FBN1: variants seen among roughly 807,000 people sequenced by gnomAD.
FBN1 encodes fibrillin 1, also known as fibrillin-1.
A neutral mutation model predicts 365.1 loss-of-function variants in FBN1; 29 were observed. The observed-to-expected ratio is 0.08, with a 90% CI of 0.06 to 0.11. The LOEUF (loss-of-function observed/expected upper bound fraction) is 0.11. FBN1 is among the 10% of genes least tolerant of loss of function. The pLI is 1.00. For synonymous variants in FBN1, 1,210 were observed against 1,270.5 expected (o/e 0.95, Z 1.01); for missense variants, 2,476 against 3,703.2 (o/e 0.67, Z 8.60).
intron 6 of FBN1, among the ~76,000 whole-genome samples, chr15:48,556,823 A>G (rs1408773902): frequency 6.6e-6 from 1 of 152,226 alleles, no homozygotes; most frequent in Non-Finnish European, 1.5e-5. Flanking sequence ...GTGAAATATT[A>G]TATGTGAAAT....
At position 48,415,561 on chromosome 15, in the gene FBN1, G is replaced by A. The variant is rs745650955; in HGVS notation, c.8026C>T (p.Pro2676Ser). The A allele has an allele frequency of 7.4e-6, 12 of 1,613,954 alleles. No homozygotes were observed. In the East Asian group the frequency reaches 2.0e-4, roughly 27 times the overall value. Residue 2676 changes from proline (P) to serine (S), a missense_variant, in exon 64 of 66, where the codon CCT (proline) becomes TCT (serine). Coordinates refer to ENST00000316623, the MANE Select transcript of FBN1 (RefSeq NM_000138.5). ...TEGGYLCGCP[P>S]GYFRIGQGHC... ...CCTTGGCCTATGCGGAAGTAACCAG[G>A]TGGACAGCCACACAGGTAACCGCCC...
chr15:48,566,215 G>A (rs552424467), intron 6 of FBN1, among the ~76,000 whole-genome samples: 1 of 152,254 alleles, frequency 6.6e-6, no homozygotes, highest in East Asian at 1.9e-4. Flanking sequence ...TTCCACCACA[G>A]ATTTACCACC....
In FBN1 at chr15:48,410,947, T is replaced by A. The variant is rs144710695; in HGVS notation, c.*43A>T. ...GGGGGAAAATATAGTTCTACCTATC[T>A]ATATTTGTTTTTCTTTTAATTATTT... On this transcript the variant is annotated 3_prime_UTR_variant, in exon 66 of 66. Transcript: ENST00000316623. 5.0e-4 allele frequency: 773 copies of A among 1,558,622 alleles called. No homozygotes were observed. The highest frequency in any genetic ancestry group is 1.1e-3 in the Middle Eastern group (5 of 4,410).
intron 8 of FBN1, among the ~76,000 whole-genome samples, chr15:48,531,701 G>C (rs2043974719): frequency 6.6e-6 from 1 of 152,152 alleles, no homozygotes; most frequent in Non-Finnish European, 1.5e-5. Flanking sequence ...CCGGAAAAGA[G>C]CAAGGACGTC....
chr15:48,434,499 C>A lies in FBN1; in HGVS notation c.6616+95G>T, dbSNP rs918529719. 2.7e-6 allele frequency: 4 copies of A among 1,499,934 alleles called. No homozygotes were observed. The African/African-American group carries it at 4.1e-5, about 15-fold the overall frequency. The allele number at this position is 1,499,934 out of a possible 1,614,324, so 92.9% of individuals were successfully genotyped here. A position where few individuals can be genotyped will look rare whatever the true frequency, so the allele number is the denominator to read the frequency against. On this transcript the variant is annotated intron_variant, in intron 54 of 65. Transcript: ENST00000316623. ...AGGCCTAGATGATCTTTATTATATA[C>A]ACCCTGAGTTGTATTTAATATTAAG...
At chr15:48,603,360 C>T (rs2140723260) in intron 4 of FBN1, among the ~76,000 whole-genome samples, 1 of 110,808 alleles carries the variant, frequency 9.0e-6, no homozygotes, top group African/African-American at 7.8e-5. Context: ...ACCGTGTTAA[C>T]CATGGGAAAC....
intron 7 of FBN1, among the ~76,000 whole-genome samples, chr15:48,537,357 C>T (rs931672781): frequency 1.3e-5 from 2 of 152,168 alleles, no homozygotes; most frequent in Non-Finnish European, 2.9e-5. Flanking sequence ...TCACACCACC[C>T]CTGGAGTCAG....
intron 4 of FBN1, among the ~76,000 whole-genome samples, chr15:48,609,545 G>C (rs2044641286): frequency 6.6e-6 from 1 of 152,186 alleles, no homozygotes. Flanking sequence ...GGTCCCACTG[G>C]GGAACTTCAG....
chr15:48,531,663 A>T (rs1448040311), intron 8 of FBN1, among the ~76,000 whole-genome samples: 1 of 152,140 alleles, frequency 6.6e-6, no homozygotes, highest in Non-Finnish European at 1.5e-5. Context: ...GCCCAGAGTT[A>T]TGCCATTTCC....
intron 4 of FBN1, among the ~76,000 whole-genome samples, chr15:48,602,379 G>C (rs945479761): frequency 6.6e-6 from 1 of 152,144 alleles, no homozygotes; most frequent in Non-Finnish European, 1.5e-5. Flanking sequence ...GGGAGTGGGA[G>C]AGCATTAATT....
At chr15:48,551,946 A>T (rs1395611051) in intron 6 of FBN1, among the ~76,000 whole-genome samples, 1 of 152,208 alleles carries the variant, frequency 6.6e-6, no homozygotes, top group African/African-American at 2.4e-5. Context: ...TGCTATTGTG[A>T]ATAGTGCTGC....
chr15:48,595,741 G>A (rs2044510595), intron 6 of FBN1, among the ~76,000 whole-genome samples: 1 of 152,116 alleles, frequency 6.6e-6, no homozygotes, highest in Non-Finnish European at 1.5e-5. Flanking sequence ...ACACACTCTA[G>A]CAGGCTGCGA....
chr15:48,546,545 G>A (rs1464293804), intron 6 of FBN1, among the ~76,000 whole-genome samples: 3 of 152,206 alleles, frequency 2.0e-5, no homozygotes. Flanking sequence ...TGAGTGCAAA[G>A]GGGAAGGGGC....
chr15:48,500,536 A>T (rs2141311174), intron 17 of FBN1, among the ~76,000 whole-genome samples: 1 of 152,320 alleles, frequency 6.6e-6, no homozygotes, highest in African/African-American at 2.4e-5. Flanking sequence ...ATGTTTAATG[A>T]TTGAACGTGT....
At chr15:48,634,617 T>C (rs562525676) in intron 2 of FBN1, among the ~76,000 whole-genome samples, 2 of 152,230 alleles carry the variant, frequency 1.3e-5, no homozygotes, top group Admixed American at 6.5e-5. Flanking sequence ...AACACCCCAA[T>C]GTTCCCAGGT....
At chr15:48,506,178 GTGCCAC>G (rs1429767549) in intron 15 of FBN1, among the ~76,000 whole-genome samples, 1 of 152,152 alleles carries the variant, frequency 6.6e-6, no homozygotes, top group Non-Finnish European at 1.5e-5. Context: ...AGCTGAGATT[GTGCCAC>G]TGCACTCCAT....
chr15:48,511,498 T>G (rs889285870), intron 13 of FBN1, among the ~76,000 whole-genome samples: 6 of 152,156 alleles, frequency 3.9e-5, no homozygotes, highest in African/African-American at 1.4e-4. Context: ...TTCATATTTT[T>G]CTCTCTTCCT....
intron 21 of FBN1, 59 bp downstream of exon 21, chr15:48,495,410 G>A: frequency 1.2e-6 from 2 of 1,600,710 alleles, no homozygotes; most frequent in Non-Finnish European, 1.7e-6. Flanking sequence ...AGGAAAAGCT[G>A]ACATTAAGTA....
At position 48,634,160 on chromosome 15, in the gene FBN1, T is replaced by C. The variant is rs139286840; in HGVS notation, c.164+10446A>G. Among the ~76,000 whole-genome samples the C allele has an allele frequency of 1.8e-3, 272 of 152,296 alleles. 4 individuals carry two copies. Among genetic ancestry groups the C allele is most frequent in the Non-Finnish European group, 3.3e-3 (224 of 68,026 alleles). The stretch of plus-strand genomic sequence containing the variant: ...GGGTCTGATTACACAATCTTACAAA[T>C]TAGCACTGAATGAACAGGGGAAATG... On this transcript the variant is annotated intron_variant, in intron 2 of 65. Transcript: ENST00000316623.
Sources: gnomAD v4.1 joint callset for allele counts (sites outside exome capture counted in the v4.1 genomes callset) on GRCh38, gnomAD v4.1.1 for gene constraint, MANE v1.5 for transcripts, NCBI Gene and HGNC (gene_info 2026-07-23, HGNC 2026-07-21) for gene names.